Variants in SLC44A3 observed in about 807,000 individuals in gnomAD.
SLC44A3 encodes solute carrier family 44 member 3.
Under a neutral mutation model 75.4 loss-of-function variants are expected in SLC44A3, and 74 were observed. The ratio of observed to expected loss-of-function variants is 0.98; its 90% CI spans 0.81 to 1.19. The LOEUF (loss-of-function observed/expected upper bound fraction) is 1.19, where lower values mean the gene tolerates loss of function less well. Among genes scored for constraint, SLC44A3 ranks in the 50% most tolerant of loss-of-function variants. SLC44A3 has a pLI of 0.00. For synonymous variants in SLC44A3, 310 were observed against 296.9 expected (o/e 1.04, Z -0.45); for missense variants, 700 against 778.6 (o/e 0.90, Z 1.20).
intron 11 of SLC44A3, 65 bp downstream of exon 11, chr1:94,864,964 A>T: frequency 6.4e-7 from 1 of 1,553,384 alleles, no homozygotes; most frequent in East Asian, 2.3e-5. Flanking sequence ...AATTACTGGA[A>T]AACTACAGCA....
intron 12 of SLC44A3, among the ~76,000 whole-genome samples, chr1:94,888,109 A>C (rs1669799789): frequency 6.6e-6 from 1 of 152,170 alleles, no homozygotes; most frequent in Non-Finnish European, 1.5e-5. Flanking sequence ...GAGGAAATTG[A>C]GGTCTTAGAG....
chr1:94,845,425 G>A lies in SLC44A3; in HGVS notation c.1033G>A (p.Val345Ile). 1 of 1,613,564 alleles carries A rather than the reference G, an allele frequency of 6.2e-7. No homozygotes were observed. Among genetic ancestry groups the A allele is most frequent in the Non-Finnish European group, 8.5e-7 (1 of 1,179,990 alleles). ...ATTTGCCATCCTCATTTTCTTCTGG[G>A]TCCTCTGGGTGGCTGTGCTGCTGAG... ...WTFAILIFFW[V>I]LWVAVLLSLG... is the part of the protein sequence containing the mutation. The change falls in exon 9 of 15, where the codon GTC becomes ATC. Residue 345 changes from valine (V) to isoleucine (I), a missense_variant. Physicochemically the swap from Val to Ile is conservative, Grantham distance 29. Coordinates refer to ENST00000271227, the MANE Select transcript of SLC44A3 (RefSeq NM_001114106.3).
At chr1:94,844,989 A>G (rs569385156) in intron 8 of SLC44A3, among the ~76,000 whole-genome samples, 2 of 152,262 alleles carry the variant, frequency 1.3e-5, no homozygotes, top group South Asian at 4.2e-4. Flanking sequence ...TTGACATTAG[A>G]AGACCTTATT....
rs1201948867 is a variant in SLC44A3, at chr1:94,839,970, T to C, written c.693T>C (p.Phe231=). 6.2e-7 allele frequency: 1 copy of C among 1,614,170 alleles called. No individual in the cohort carries two copies. Among genetic ancestry groups the C allele is most frequent in the East Asian group, 2.2e-5 (1 of 44,878 alleles). The change falls in exon 7 of 15, where the codon TTT becomes TTC. Residue 231 remains phenylalanine (F), a synonymous_variant. Transcript: ENST00000271227. ...LALALSLAMM[F]TFRFITTLLV... ...CAGCCTTGTCTTTGGCCATGATGTTTACCTTCAGATTCATCACCACCCTTC... is the reference window on the plus strand; with the variant it reads ...CAGCCTTGTCTTTGGCCATGATGTTCACCTTCAGATTCATCACCACCCTTC...
chr1:94,851,636 G>T (rs2101167187), intron 9 of SLC44A3, among the ~76,000 whole-genome samples: 1 of 152,312 alleles, frequency 6.6e-6, no homozygotes, highest in East Asian at 1.9e-4. Flanking sequence ...GATACATGAA[G>T]AACTCATATA....
chr1:94,826,663 G>T (rs1256942313), intron 3 of SLC44A3, among the ~76,000 whole-genome samples: 1 of 150,866 alleles, frequency 6.6e-6, no homozygotes, highest in East Asian at 1.9e-4. Context: ...GAAAGATTCA[G>T]ATGGTAAATT....
chr1:94,828,328 G>C (rs1390530372), intron 4 of SLC44A3, among the ~76,000 whole-genome samples, 165 bp from the exon 5 acceptor site: 1 of 152,200 alleles, frequency 6.6e-6, no homozygotes, highest in East Asian at 1.9e-4. Flanking sequence ...GTAAGGAAGA[G>C]AGGCCCTCAC....
intron 12 of SLC44A3, among the ~76,000 whole-genome samples, chr1:94,884,399 G>C (rs1265838443): frequency 6.6e-6 from 1 of 152,220 alleles, no homozygotes; most frequent in Non-Finnish European, 1.5e-5. Flanking sequence ...GTTCCTGCCA[G>C]TTTTACTGTA....
At chr1:94,824,779 G>A in intron 3 of SLC44A3, 144 bp downstream of exon 3, 1 of 953,980 alleles carries the variant, frequency 1.0e-6, no homozygotes. Context: ...ATATAGTACA[G>A]GTAAGAGTAC....
chr1:94,826,042 C>T, intron 3 of SLC44A3: 1 of 392,784 alleles, frequency 2.5e-6, no homozygotes, highest in South Asian at 1.8e-5. Context: ...ATGTATATTA[C>T]AATGAAATAT....
chr1:94,854,198 T>TCC (rs1323487113), intron 9 of SLC44A3, among the ~76,000 whole-genome samples: 1 of 152,152 alleles, frequency 6.6e-6, no homozygotes, highest in Non-Finnish European at 1.5e-5. Context: ...TCAAAAAAAG[T>TCC]CCCACTATTT....
At chr1:94,837,673 A>G in intron 5 of SLC44A3, 38 bp from the exon 6 acceptor site, 1 of 1,534,452 alleles carries the variant, frequency 6.5e-7, no homozygotes, top group South Asian at 1.3e-5. Flanking sequence ...ATAAATGTTA[A>G]ATAAACATTT....
chr1:94,885,214 G>C (rs1286036311), intron 12 of SLC44A3, among the ~76,000 whole-genome samples: 4 of 55,514 alleles, frequency 7.2e-5, no homozygotes, highest in Non-Finnish European at 1.2e-4. Flanking sequence ...GACAGAGTGA[G>C]ACTCCCTCTC....
chr1:94,894,618 A>T (rs1388352188), intron 14 of SLC44A3, among the ~76,000 whole-genome samples, 200 bp from the exon 15 acceptor site: 1 of 152,116 alleles, frequency 6.6e-6, no homozygotes, highest in African/African-American at 2.4e-5. Context: ...CCAAAAACAG[A>T]ATTATCTGTA....
chr1:94,849,263 C>G (rs1437982243), intron 9 of SLC44A3, among the ~76,000 whole-genome samples: 1 of 152,180 alleles, frequency 6.6e-6, no homozygotes, highest in African/African-American at 2.4e-5. Flanking sequence ...AGAAAGGAAA[C>G]TGGGTGCCCC....
At chr1:94,825,721 C>A (rs566775644) in intron 3 of SLC44A3, 2 of 387,762 alleles carry the variant, frequency 5.2e-6, no homozygotes, top group East Asian at 1.5e-4. Flanking sequence ...TTGGAGTCAC[C>A]AAATACAAAT....
chr1:94,837,119 C>G (rs1390372243), intron 5 of SLC44A3, among the ~76,000 whole-genome samples: 1 of 151,956 alleles, frequency 6.6e-6, no homozygotes, highest in Non-Finnish European at 1.5e-5. Context: ...TATGTGGAAT[C>G]TAAAAAAGTC....
intron 5 of SLC44A3, among the ~76,000 whole-genome samples, chr1:94,829,679 T>C (rs893214023): frequency 2.0e-5 from 3 of 152,234 alleles, no homozygotes; most frequent in Non-Finnish European, 4.4e-5. Context: ...GGAAAACTTG[T>C]ATTGATTTTG....
chr1:94,863,000 G>A (rs976192117), intron 10 of SLC44A3, among the ~76,000 whole-genome samples: 27 of 152,114 alleles, frequency 1.8e-4, no homozygotes, highest in Admixed American at 5.2e-4. Context: ...GTAGGATGAC[G>A]TTACCTTTGA....
Sources: gnomAD v4.1 joint callset for allele counts (sites outside exome capture counted in the v4.1 genomes callset) on GRCh38, gnomAD v4.1.1 for gene constraint, MANE v1.5 for transcripts, NCBI Gene and HGNC (gene_info 2026-07-23, HGNC 2026-07-21) for gene names.